TUBGCP5: variants seen among roughly 807,000 people sequenced by gnomAD.
TUBGCP5 encodes tubulin gamma complex component 5.
A neutral mutation model predicts 134.7 loss-of-function variants in TUBGCP5; 98 were observed. That is an observed-to-expected ratio of 0.73 (90% CI 0.62 to 0.86). The LOEUF is 0.86. TUBGCP5 is among the 40% of genes least tolerant of loss of function. TUBGCP5 has a pLI of 0.00. For missense variants in TUBGCP5, 1,150 were observed against 1,244.8 expected (o/e 0.92, Z 1.15); for synonymous variants, 456 against 431.4 (o/e 1.06, Z -0.71).
rs2066639608 is a variant in TUBGCP5, at chr15:23,037,157, TAA to T, written c.147-7_147-6del. ...ACATCCAAGAAACGATGAAATCTAT[TAA>T]AGACAAAATGCAATTCTTATGCCAA... On this transcript the variant is annotated splice_region_variant and splice_polypyrimidine_tract_variant and intron_variant, in intron 1 of 22. Coordinates refer to ENST00000615383, the MANE Select transcript of TUBGCP5 (RefSeq NM_052903.6). The T allele has an allele frequency of 6.2e-7, 1 of 1,612,340 alleles. No homozygotes were observed. The highest frequency in any genetic ancestry group is 8.5e-7 in the Non-Finnish European group (1 of 1,179,756).
intron 12 of TUBGCP5, 56 bp from the exon 13 acceptor site, chr15:23,018,097 A>G (rs2065445529): frequency 2.0e-6 from 3 of 1,501,080 alleles, no homozygotes; most frequent in Non-Finnish European, 2.7e-6. Context: ...AAAACAGCAT[A>G]CTTGTTCTAG....
intron 23 of TUBGCP5, among the ~76,000 whole-genome samples, chr15:22,988,695 G>C (rs942716430): frequency 2.0e-3 from 291 of 147,774 alleles, no homozygotes; most frequent in Middle Eastern, 7.2e-3. Flanking sequence ...GAGATCGCGT[G>C]ACTGCACTCC....
At chr15:23,019,416 C>T in intron 11 of TUBGCP5, 82 bp from the exon 12 acceptor site, 2 of 863,534 alleles carry the variant, frequency 2.3e-6, no homozygotes, top group Non-Finnish European at 3.7e-6. Context: ...TTCTGAAATG[C>T]CTTTAAAAAA....
intron 15 of TUBGCP5, among the ~76,000 whole-genome samples, 168 bp from the exon 16 acceptor site, chr15:23,009,049 A>G (rs948128716): frequency 9.2e-5 from 14 of 152,312 alleles, no homozygotes; most frequent in African/African-American, 3.4e-4. Flanking sequence ...TAATAAAAAC[A>G]GCATAGGTTT....
In TUBGCP5 at chr15:23,023,983, C is replaced by T; in HGVS notation, c.1132G>A (p.Glu378Lys). ...LYKYFISFKEELAEIEKCIIN... is the reference protein window; with the variant it reads ...LYKYFISFKEKLAEIEKCIIN... ...ATGCACTTCTCAATTTCTGCAAGTT[C>T]CTCTTTGAAACTAATGAAATATTTG... is the stretch of plus-strand genomic sequence containing the variant. Residue 378 changes from glutamate (E) to lysine (K), a missense_variant, in exon 10 of 23, where the codon GAA becomes AAA. Physicochemically the swap from Glu to Lys is moderately conservative, Grantham distance 56. This residue lies in a region of TUBGCP5 where 697 missense variants were observed against 850.1 expected (regional missense o/e 0.82). Coordinates refer to ENST00000615383, the MANE Select transcript of TUBGCP5 (RefSeq NM_052903.6). The T allele has an allele frequency of 6.2e-7, 1 of 1,613,882 alleles. No individual in the cohort carries two copies. Among genetic ancestry groups the T allele is most frequent in the Non-Finnish European group, 8.5e-7 (1 of 1,179,950 alleles).
intron 12 of TUBGCP5, 136 bp downstream of exon 12, chr15:23,019,083 C>A: frequency 3.6e-6 from 2 of 559,344 alleles, no homozygotes; most frequent in South Asian, 3.2e-5. Context: ...TAGAACTTGC[C>A]TATGATGACG....
chr15:23,017,912 C>A lies in TUBGCP5; in HGVS notation c.1617G>T (p.Gln539His). Residue 539 changes from glutamine (Q) to histidine (H), a missense_variant, in exon 13 of 23, where the codon CAG becomes CAT. Around this residue, in one of 2 missense-constraint regions of TUBGCP5, gnomAD observed 697 missense variants for 850.1 expected, o/e 0.82. Coordinates refer to ENST00000615383, the MANE Select transcript of TUBGCP5 (RefSeq NM_052903.6). ...TGGTGTGCTGCCTGCTGGAGGGCCC[C>A]TGGTCACTGCCGGAACTCGCACTAG... ...DNASASSGSD[Q>H]GPSSRQHTMV... The A allele has an allele frequency of 6.2e-7, 1 of 1,614,180 alleles. No individual in the cohort carries two copies. The highest frequency in any genetic ancestry group is 8.5e-7 in the Non-Finnish European group (1 of 1,180,022).
At chr15:23,007,024 T>TCA (rs2064755438) in intron 16 of TUBGCP5, among the ~76,000 whole-genome samples, 1 of 152,136 alleles carries the variant, frequency 6.6e-6, no homozygotes, top group Non-Finnish European at 1.5e-5. Context: ...TGAAGAAGGT[T>TCA]TAAAGTGGGG....
intron 6 of TUBGCP5, among the ~76,000 whole-genome samples, chr15:23,030,425 C>G (rs1050508870): frequency 1.3e-5 from 2 of 152,082 alleles, no homozygotes; most frequent in Non-Finnish European, 2.9e-5. Flanking sequence ...GCTGCAGACG[C>G]CAAAATCTGC....
rs189815919 is a variant in TUBGCP5 at position 23,038,088 on chromosome 15, G to C, written c.147-936C>G. Among the ~76,000 whole-genome samples, 43 of 152,086 alleles carry C rather than the reference G, an allele frequency of 2.8e-4. No homozygotes were observed. In the East Asian group the frequency reaches 8.1e-3, roughly 29 times the overall value. ...CCACAATTTTCAAGAATGTAAACAT[G>C]AACTATTCATTTTTCTGATGGTTTA... On this transcript the variant is annotated intron_variant, in intron 1 of 22. Coordinates refer to ENST00000615383, the MANE Select transcript of TUBGCP5 (RefSeq NM_052903.6).
In TUBGCP5 at chr15:23,013,261, G is replaced by A. The variant is rs1323365355; in HGVS notation, c.1757-1930C>T. ...AGGTCAGGGGATCGAGACCATACTG[G>A]CTAGTATGGTAAAACCCCGTCTCTA... On this transcript the variant is annotated intron_variant, in intron 13 of 22. Transcript: ENST00000615383. The surrounding 1 kb of genome is among the most constrained non-coding windows in gnomAD (Gnocchi z 4.5). 6.6e-6 allele frequency among the ~76,000 whole-genome samples: 1 copy of A among 152,082 alleles called. No homozygotes were observed. Among genetic ancestry groups the A allele is most frequent in the East Asian group, 1.9e-4 (1 of 5,144 alleles).
chr15:23,000,403 A>G (rs1423081429), intron 22 of TUBGCP5, 166 bp downstream of exon 22: 10 of 1,401,382 alleles, frequency 7.1e-6, no homozygotes, highest in Non-Finnish European at 9.3e-6. Flanking sequence ...CCTCACCGTA[A>G]TGCTTAAAAA....
At chr15:23,015,474 G>A (rs1340011364) in intron 13 of TUBGCP5, among the ~76,000 whole-genome samples, 1 of 151,544 alleles carries the variant, frequency 6.6e-6, no homozygotes, top group Non-Finnish European at 1.5e-5. Flanking sequence ...AAACCCGATC[G>A]CTACTAAAAA....
rs542905350 is a variant in TUBGCP5, at chr15:23,020,584, CAAA to C, written c.1372-1253_1372-1251del. On this transcript the variant is annotated intron_variant, in intron 11 of 22. Transcript: ENST00000615383. ...CTGGCAACAGAGCAAGACTACGTCTCAAAAAAAAAAAAAAAAAAAAAAGAAAAA... is the reference window on the plus strand; with the variant it reads ...CTGGCAACAGAGCAAGACTACGTCTCAAAAAAAAAAAAAAAAAAAGAAAAA... Among the ~76,000 whole-genome samples, 402 of 76,234 alleles carry C rather than the reference CAAA, an allele frequency of 5.3e-3. 1 individual carries two copies. Among genetic ancestry groups the C allele is most frequent in the Admixed American group, 6.0e-3 (32 of 5,314 alleles). 50.0% of individuals were successfully genotyped at this position (76,234 alleles called of 152,430 possible). A position where few individuals can be genotyped will look rare whatever the true frequency, so the allele number is the denominator to read the frequency against.
chr15:23,034,826 C>CA (rs2066490804), intron 3 of TUBGCP5, among the ~76,000 whole-genome samples: 1 of 150,822 alleles, frequency 6.6e-6, no homozygotes, highest in South Asian at 2.1e-4. Flanking sequence ...GATTCCGTCT[C>CA]AAAAAACAAA....
Position 23,030,999 on chromosome 15 carries a change from C to A in TUBGCP5, c.508G>T (p.Glu170Ter). ...CTTAAGGGCTGTTGATCATTTTCCT[C>A]TTCACTTTCTTCAGACCAATTCTGA... ...DTPNWSEESE[E>*]ENDQQPLSRE... Residue 170 changes from glutamate to a stop codon, truncating the protein, a stop_gained, in exon 6 of 23, where the codon GAG becomes TAG. Coordinates refer to ENST00000615383, the MANE Select transcript of TUBGCP5 (RefSeq NM_052903.6). LOFTEE classifies it high-confidence loss of function. The A allele has an allele frequency of 1.9e-6, 3 of 1,612,838 alleles. No individual in the cohort carries two copies. Among genetic ancestry groups the A allele is most frequent in the Non-Finnish European group, 2.5e-6 (3 of 1,179,730 alleles).
chr15:22,988,167 G>T (rs547595627), intron 23 of TUBGCP5, among the ~76,000 whole-genome samples: 6 of 151,858 alleles, frequency 4.0e-5, no homozygotes, highest in Admixed American at 3.9e-4. Flanking sequence ...GAGTCTTAGC[G>T]GATCTAAGTT....
Position 23,039,434 on chromosome 15 carries a change from A to T in TUBGCP5, c.110T>A (p.Phe37Tyr). ...CCAGGCGAAGTTTAGGGCGAGCTGG[A>T]AGTTGGGGTCTGCCTCGTCCTGGAG... ...AGLQDEADPN[F>Y]QLALNFAWSN... Residue 37 changes from phenylalanine to tyrosine, a missense_variant, in exon 1 of 23, where the codon TTC becomes TAC. By Grantham distance (22) the Phe-to-Tyr change is conservative. This residue lies in a region of TUBGCP5 where 453 missense variants were observed against 394.7 expected (regional missense o/e 1.15). Coordinates refer to ENST00000615383, the MANE Select transcript of TUBGCP5 (RefSeq NM_052903.6). The T allele has an allele frequency of 5.2e-6, 8 of 1,535,160 alleles. No homozygotes were observed. Among genetic ancestry groups the T allele is most frequent in the Non-Finnish European group, 6.2e-6 (7 of 1,136,142 alleles).
Position 23,024,842 on chromosome 15 carries a change from T to A in TUBGCP5, c.828-12A>T. On this transcript the variant is annotated splice_polypyrimidine_tract_variant and intron_variant, in intron 8 of 22. Transcript: ENST00000615383. ...CTCCTGAAAGTAACCTGAAATGAGA[T>A]TAAAAAAAGACGAGTGTACTTTAAG... 1 of 1,455,794 alleles carries A rather than the reference T, an allele frequency of 6.9e-7. No individual in the cohort carries two copies. Among genetic ancestry groups the A allele is most frequent in the Non-Finnish European group, 9.5e-7 (1 of 1,047,940 alleles). The allele number at this position is 1,455,794 out of a possible 1,614,324, so 90.2% of individuals were successfully genotyped here.
Sources: gnomAD v4.1 joint callset for allele counts (sites outside exome capture counted in the v4.1 genomes callset) on GRCh38, gnomAD v4.1.1 for gene constraint, gnomAD v4.1.1 regional missense constraint, Gnocchi (gnomAD v3.1) non-coding constraint, MANE v1.5 for transcripts, NCBI Gene and HGNC (gene_info 2026-07-23, HGNC 2026-07-21) for gene names.